SCAMP4: variants seen among roughly 807,000 people sequenced by gnomAD.
SCAMP4 encodes secretory carrier membrane protein 4, also known as secretory carrier-associated membrane protein 4.
Under a neutral mutation model 32.1 loss-of-function variants are expected in SCAMP4, and 19 were observed. The observed-to-expected ratio is 0.59, with a 90% confidence interval of 0.41 to 0.87. The LOEUF (loss-of-function observed/expected upper bound fraction) is 0.87. Among genes scored for constraint, SCAMP4 ranks in the 40% least tolerant of loss-of-function variants. SCAMP4 has a pLI of 0.00. For missense variants in SCAMP4, 302 were observed against 309.0 expected (o/e 0.98, Z 0.17); for synonymous variants, 152 against 132.7 (o/e 1.15, Z -1.00).
chr19:1,918,531 G>A (rs1211866000), intron 4 of SCAMP4: 3 of 537,968 alleles, frequency 5.6e-6, no homozygotes, highest in Admixed American at 6.9e-5. Flanking sequence ...GGAGGCCGAG[G>A]CAGGCGGATC....
At chr19:1,912,603 C>T (rs772802572) in intron 1 of SCAMP4, 2 of 1,485,924 alleles carry the variant, frequency 1.3e-6, no homozygotes, top group South Asian at 1.3e-5. Flanking sequence ...CACGCAGGAG[C>T]GCGCCGCCAT....
chr19:1,922,843 A>G lies in SCAMP4; in HGVS notation c.396-227A>G, dbSNP rs540690784. On this transcript the variant is annotated intron_variant, in intron 5 of 6. Coordinates refer to ENST00000316097, the MANE Select transcript of SCAMP4 (RefSeq NM_079834.4). ...GCGTCGAAGTTTGTGTCCACTGCACACGCGGCTCACTGCTGCGATGGTGGA... is the reference window on the plus strand; with the variant it reads ...GCGTCGAAGTTTGTGTCCACTGCACGCGCGGCTCACTGCTGCGATGGTGGA... 1.4e-4 allele frequency: 180 copies of G among 1,259,926 alleles called. No individual in the cohort carries two copies. The East Asian group carries it at 6.2e-3, about 43-fold the overall frequency. The allele number at this position is 1,259,926 out of a possible 1,614,324, so 78.0% of individuals were successfully genotyped here. A position where few individuals can be genotyped will look rare whatever the true frequency, so the allele number is the denominator to read the frequency against.
rs1373234051 is a variant in SCAMP4, at chr19:1,908,531, G to A, written c.-42+3092G>A. On this transcript the variant is annotated intron_variant, in intron 1 of 6. Coordinates refer to ENST00000316097, the MANE Select transcript of SCAMP4 (RefSeq NM_079834.4). This position sits in a 1 kb window ranked among gnomAD's most constrained non-coding sequence, Gnocchi z 4.2. The stretch of plus-strand genomic sequence containing the variant: ...CAGCGGGGATGTGTAGTCCAGGCTG[G>A]CAGTTCAGGATCACCCGGCTGGAGT... The A allele has an allele frequency of 1.3e-5, 6 of 471,040 alleles. No homozygotes were observed. Among genetic ancestry groups the A allele is most frequent in the Non-Finnish European group, 1.8e-5 (4 of 227,046 alleles). 29.2% of individuals were successfully genotyped at this position (471,040 alleles called of 1,614,324 possible). A position where few individuals can be genotyped will look rare whatever the true frequency, so the allele number is the denominator to read the frequency against.
In SCAMP4 at chr19:1,907,021, A is replaced by C. The variant is rs369506868; in HGVS notation, c.-42+1582A>C. ...ACCAATATGGTGAAATCCCACCTCT[A>C]CTAAAAATATAAAAAATTAGCCAGG... On this transcript the variant is annotated intron_variant, in intron 1 of 6. Coordinates refer to ENST00000316097, the MANE Select transcript of SCAMP4 (RefSeq NM_079834.4). 5.9e-5 allele frequency: 9 copies of C among 151,778 alleles called. No homozygotes were observed. The East Asian group carries it at 1.2e-3, about 20-fold the overall frequency. The allele number at this position is 151,778 out of a possible 1,614,324, so 9.4% of individuals were successfully genotyped here.
chr19:1,921,949 T>C (rs1401496141), intron 5 of SCAMP4: 2 of 985,312 alleles, frequency 2.0e-6, no homozygotes, highest in Non-Finnish European at 2.4e-6. Flanking sequence ...TGTGCGTGCA[T>C]ATCACGCCCC....
Position 1,917,713 on chromosome 19 carries a change from G to A in SCAMP4, c.27G>A (p.Pro9=), listed in dbSNP as rs760591082. The A allele has an allele frequency of 3.6e-5, 58 of 1,613,890 alleles. No homozygotes were observed. Among genetic ancestry groups the A allele is most frequent in the Non-Finnish European group, 4.6e-5 (54 of 1,179,902 alleles). Residue 9 remains proline (P), a synonymous_variant, in exon 3 of 7, where the codon CCG becomes CCA. Coordinates refer to ENST00000316097, the MANE Select transcript of SCAMP4 (RefSeq NM_079834.4). The part of the protein sequence containing the change: MSEKENNF[P]PLPKFIPVKP... ...CTACAGAAAAGGAGAACAACTTCCC[G>A]CCACTGCCCAAGTTCATCCCTGTGA...
At chr19:1,912,631 G>T (rs1234624726) in intron 1 of SCAMP4, 1 of 1,438,046 alleles carries the variant, frequency 7.0e-7, no homozygotes, top group Non-Finnish European at 9.1e-7. Context: ...CACATGGAGC[G>T]GGCGGTGTGG....
chr19:1,918,956 A>G lies in SCAMP4; in HGVS notation c.361A>G (p.Ile121Val), dbSNP rs1183563743. 3 of 1,612,258 alleles carry G rather than the reference A, an allele frequency of 1.9e-6. No individual in the cohort carries two copies. The highest frequency in any genetic ancestry group is 2.7e-5 in the African/African-American group (2 of 74,896). ...IFGAQFVLTV[I>V]QAIGFSGWGA... is the part of the protein sequence containing the mutation. ...CGGAGCCCAGTTTGTCCTGACCGTC[A>G]TCCAGGCGATTGGCTTCTCCGGCTG... Residue 121 changes from isoleucine (I) to valine (V), a missense_variant, in exon 5 of 7, where the codon ATC becomes GTC. By Grantham distance (29) the Ile-to-Val change is conservative. Transcript: ENST00000316097.
chr19:1,914,598 G>A (rs2013664754), intron 1 of SCAMP4: 2 of 258,856 alleles, frequency 7.7e-6, no homozygotes, highest in South Asian at 4.6e-5. Flanking sequence ...AACGGCCAGG[G>A]TGCCATGCGG....
intron 1 of SCAMP4, among the ~76,000 whole-genome samples, chr19:1,910,907 A>T (rs1298897774): frequency 6.7e-6 from 1 of 150,082 alleles, no homozygotes; most frequent in African/African-American, 2.5e-5. Context: ...TCGCGCTGTT[A>T]CCAGGCTGGA....
chr19:1,925,919 C>CCCCCCCCCCCCCCCCGTTTG lies in SCAMP4; in HGVS notation c.*1635_*1636insCCCCCCCCCCCCCCCGTTTG, dbSNP rs2014084951. The CCCCCCCCCCCCCCCCGTTTG allele has an allele frequency of 7.1e-6, 1 of 139,990 alleles. No individual in the cohort carries two copies. The highest frequency in any genetic ancestry group is 1.7e-5 in the Non-Finnish European group (1 of 60,256). 8.7% of individuals were successfully genotyped at this position (139,990 alleles called of 1,614,324 possible). ...TCACCTGGCAGGCCCAACCCCCCCC[C>CCCCCCCCCCCCCCCCGTTTG]ACCCCTCCCCCGCCGTGTGTGGCCC... On this transcript the variant is annotated 3_prime_UTR_variant, in exon 7 of 7. Coordinates refer to ENST00000316097, the MANE Select transcript of SCAMP4 (RefSeq NM_079834.4).
At chr19:1,906,717 G>GTCC (rs1261878689) in intron 1 of SCAMP4, 1 of 151,898 alleles carries the variant, frequency 6.6e-6, no homozygotes, top group African/African-American at 2.4e-5. Flanking sequence ...CATGGTGGTG[G>GTCC]ACGCCTGTGG....
intron 1 of SCAMP4, chr19:1,912,700 C>A: frequency 6.7e-7 from 1 of 1,485,908 alleles, no homozygotes; most frequent in Admixed American, 2.4e-5. Flanking sequence ...GTAGTGGACC[C>A]GGCCTCGGAC....
chr19:1,924,656 G>T lies in SCAMP4; in HGVS notation c.*372G>T. ...GGTCGGCCGCCCTCCCGTCCTCCCA[G>T]AGCTGCTGGCGCTGAGGTCAGAGCG... On this transcript the variant is annotated 3_prime_UTR_variant, in exon 7 of 7. Transcript: ENST00000316097. 3.7e-6 allele frequency: 1 copy of T among 272,350 alleles called. No homozygotes were observed. 16.9% of individuals were successfully genotyped at this position (272,350 alleles called of 1,614,324 possible). A position where few individuals can be genotyped will look rare whatever the true frequency, so the allele number is the denominator to read the frequency against.
At chr19:1,922,050 G>C (rs1218147540) in intron 5 of SCAMP4, 26 of 985,362 alleles carry the variant, frequency 2.6e-5, no homozygotes, top group Non-Finnish European at 3.1e-5. Context: ...CAGCAGGAGA[G>C]AGACTGTACG....
intron 1 of SCAMP4, chr19:1,912,048 A>G: frequency 1.4e-6 from 2 of 1,418,298 alleles, no homozygotes; most frequent in South Asian, 1.5e-5. Flanking sequence ...CAGCCGCCGG[A>G]TGATCCTCTG....
chr19:1,917,913 GC>G lies in SCAMP4; in HGVS notation c.136+94del, dbSNP rs1264691518. 21 of 1,545,790 alleles carry G rather than the reference GC, an allele frequency of 1.4e-5. No individual in the cohort carries two copies. The African/African-American group carries it at 2.6e-4, about 19-fold the overall frequency. The stretch of plus-strand genomic sequence containing the variant: ...TTCAGGCAGGGGCAGCCCGTCGGGG[GC>G]CCACCGTCTACTGAAGCCGTCCTGG... On this transcript the variant is annotated intron_variant, in intron 3 of 6. Transcript: ENST00000316097.
intron 1 of SCAMP4, among the ~76,000 whole-genome samples, chr19:1,909,105 A>G (rs1162342874): frequency 1.4e-5 from 2 of 138,762 alleles, no homozygotes; most frequent in Admixed American, 7.1e-5. Flanking sequence ...ACTCTGTCTG[A>G]AAAAAAAAAA....
chr19:1,920,352 A>G, intron 5 of SCAMP4: 2 of 948,342 alleles, frequency 2.1e-6, no homozygotes, highest in Non-Finnish European at 2.5e-6. Flanking sequence ...ACGCCAGTGC[A>G]CAGATCAGAA....
Sources: gnomAD v4.1 joint callset for allele counts (sites outside exome capture counted in the v4.1 genomes callset) on GRCh38, gnomAD v4.1.1 for gene constraint, Gnocchi (gnomAD v3.1) non-coding constraint, MANE v1.5 for transcripts, NCBI Gene and HGNC (gene_info 2026-07-23, HGNC 2026-07-21) for gene names.